BNC2: variants seen among roughly 807,000 people sequenced by gnomAD.
The protein encoded by BNC2 is zinc finger protein basonuclin-2.
Under a neutral mutation model 76.3 loss-of-function variants are expected in BNC2, and 20 were observed. The ratio of observed to expected loss-of-function variants is 0.26; its 90% CI spans 0.18 to 0.38. BNC2 has a LOEUF of 0.38. Among genes scored for constraint, BNC2 ranks in the 10% least tolerant of loss-of-function variants. The pLI is 1.00. For synonymous variants in BNC2, 582 were observed against 514.8 expected, an observed-to-expected ratio of 1.13 and a Z score of -1.77; for missense variants, 1,382 against 1,399.8, an observed-to-expected ratio of 0.99 and a Z score of 0.20.
chr9:16,602,406 A>G (rs1181273312), intron 3 of BNC2, among the ~76,000 whole-genome samples: 3 of 152,334 alleles, frequency 2.0e-5, no homozygotes, highest in Middle Eastern at 3.4e-3. Flanking sequence ...CTTTCTAATG[A>G]CATGGTATTC....
chr9:16,598,140 A>C (rs1345899071), intron 3 of BNC2, among the ~76,000 whole-genome samples: 2 of 152,210 alleles, frequency 1.3e-5, no homozygotes, highest in Admixed American at 6.5e-5. Flanking sequence ...TTTATCTGTC[A>C]AATTTTTGGT....
intron 3 of BNC2, among the ~76,000 whole-genome samples, chr9:16,721,529 A>T (rs923133244): frequency 1.3e-5 from 2 of 152,144 alleles, no homozygotes; most frequent in African/African-American, 4.8e-5. Flanking sequence ...CAATCTTCTG[A>T]CCAAGGTCTG....
rs1490578950 is a variant in BNC2 at position 16,415,970 on chromosome 9, C to G, written c.*3019G>C. On this transcript the variant is annotated 3_prime_UTR_variant, in exon 7 of 7. Transcript: ENST00000380672. ...AGGTGAACACATTCATGTTTCCAAG[C>G]AAGGGAAACTCTACTTCTAGAATCT... 1 of 152,132 alleles carries G rather than the reference C, an allele frequency of 6.6e-6. No homozygotes were observed. The highest frequency in any genetic ancestry group is 1.5e-5 in the Non-Finnish European group (1 of 68,028). The allele number at this position is 152,132 out of a possible 1,614,324, so 9.4% of individuals were successfully genotyped here.
intron 5 of BNC2, among the ~76,000 whole-genome samples, chr9:16,458,646 C>T (rs1821507101): frequency 6.6e-6 from 1 of 152,188 alleles, no homozygotes; most frequent in African/African-American, 2.4e-5. Context: ...TTTCCTACAG[C>T]CCTATGGCAA....
chr9:16,854,030 G>C (rs1164993041), intron 1 of BNC2, among the ~76,000 whole-genome samples: 1 of 152,138 alleles, frequency 6.6e-6, no homozygotes, highest in South Asian at 2.1e-4. Context: ...AGTCAGACTG[G>C]AGCCTAAGGA....
chr9:16,852,645 G>A (rs57226333), intron 1 of BNC2, among the ~76,000 whole-genome samples: 3,720 of 152,154 alleles, frequency 0.024, 163 homozygotes, highest in African/African-American at 0.086. Flanking sequence ...ACTTTCAAGC[G>A]GCAGTGTGCT....
intron 1 of BNC2, among the ~76,000 whole-genome samples, chr9:16,856,079 C>A (rs562085344): frequency 6.6e-6 from 1 of 152,120 alleles, no homozygotes; most frequent in East Asian, 1.9e-4. Context: ...ATGTTAAAAA[C>A]CACAAAAAAC....
intron 5 of BNC2, among the ~76,000 whole-genome samples, chr9:16,549,767 C>G (rs1818602161): frequency 6.6e-6 from 1 of 151,704 alleles, no homozygotes; most frequent in Non-Finnish European, 1.5e-5. Context: ...GCTTTTTTTT[C>G]CAAACCGAGA....
intron 1 of BNC2, among the ~76,000 whole-genome samples, chr9:16,861,641 T>G (rs939544275): frequency 6.6e-6 from 1 of 151,780 alleles, no homozygotes; most frequent in African/African-American, 2.4e-5. Flanking sequence ...GTCACTAGTA[T>G]GATTCAAATA....
At chr9:16,753,880 T>A (rs530706913) in intron 1 of BNC2, among the ~76,000 whole-genome samples, 4 of 152,342 alleles carry the variant, frequency 2.6e-5, no homozygotes, top group African/African-American at 9.6e-5. Context: ...ATCCATACTT[T>A]AGATATCACT....
At chr9:16,472,492 A>G (rs928293072) in intron 5 of BNC2, among the ~76,000 whole-genome samples, 6 of 152,108 alleles carry the variant, frequency 3.9e-5, no homozygotes, top group Non-Finnish European at 8.8e-5. Context: ...CAGGCTGTGC[A>G]CTCTTTTAGG....
chr9:16,483,527 T>C (rs1563804642), intron 5 of BNC2, among the ~76,000 whole-genome samples: 1 of 152,310 alleles, frequency 6.6e-6, no homozygotes, highest in Non-Finnish European at 1.5e-5. Context: ...TTACATGGTA[T>C]ACAGAGTGGT....
At chr9:16,541,139 C>T (rs1419996774) in intron 5 of BNC2, among the ~76,000 whole-genome samples, 2 of 152,148 alleles carry the variant, frequency 1.3e-5, no homozygotes, top group Non-Finnish European at 2.9e-5. Flanking sequence ...TAATCTCCAT[C>T]GATGTGTGGC....
At chr9:16,690,633 T>G (rs1320985860) in intron 3 of BNC2, among the ~76,000 whole-genome samples, 2 of 152,156 alleles carry the variant, frequency 1.3e-5, no homozygotes, top group African/African-American at 4.8e-5. Flanking sequence ...GGCAGAGTTG[T>G]ATCAATAGGA....
chr9:16,599,706 C>T (rs1045604168), intron 3 of BNC2, among the ~76,000 whole-genome samples: 2 of 152,172 alleles, frequency 1.3e-5, no homozygotes, highest in Non-Finnish European at 2.9e-5. Context: ...ATCACTTGAA[C>T]CCGGAGGCAG....
chr9:16,435,864 T>G lies in BNC2; in HGVS notation c.2330A>C (p.Glu777Ala), dbSNP rs763638464. The change falls in exon 6 of 7, where the codon GAA becomes GCA. Residue 777 changes from glutamate to alanine, a missense_variant. Glu to Ala is a moderately radical substitution (Grantham distance 107). This residue lies in a region of BNC2 where 798 missense variants were observed against 775.5 expected (regional missense o/e 1.03). Transcript: ENST00000380672. ...SHQDVIKVKEEFTDPTYDMFY... is the reference protein window; with the variant it reads ...SHQDVIKVKEAFTDPTYDMFY... ...CATGTCGTAAGTGGGGTCTGTAAATTCTTCCTTCACCTTGATGACGTCCTG... is the reference window on the plus strand; with the variant it reads ...CATGTCGTAAGTGGGGTCTGTAAATGCTTCCTTCACCTTGATGACGTCCTG... 1 of 1,613,764 alleles carries G rather than the reference T, an allele frequency of 6.2e-7. No individual in the cohort carries two copies. The highest frequency in any genetic ancestry group is 1.7e-5 in the Admixed American group (1 of 60,014).
At chr9:16,675,388 G>C (rs948500490) in intron 3 of BNC2, among the ~76,000 whole-genome samples, 3 of 151,930 alleles carry the variant, frequency 2.0e-5, no homozygotes, top group African/African-American at 7.3e-5. Context: ...AGAATAGCTG[G>C]GACTACAAGC....
At chr9:16,553,966 C>A (rs1221369796) in intron 4 of BNC2, among the ~76,000 whole-genome samples, 2 of 152,234 alleles carry the variant, frequency 1.3e-5, no homozygotes, top group African/African-American at 4.8e-5. Context: ...TATGCATATG[C>A]CCATTTAGGA....
At chr9:16,560,413 T>G (rs914414977) in intron 4 of BNC2, among the ~76,000 whole-genome samples, 2 of 152,170 alleles carry the variant, frequency 1.3e-5, no homozygotes, top group African/African-American at 4.8e-5. Flanking sequence ...GTATTAAACA[T>G]TTTATAAGAG....
Sources: allele counts gnomAD v4.1 joint callset (sites outside exome capture counted in the v4.1 genomes callset), GRCh38; gene constraint gnomAD v4.1.1; regional missense constraint gnomAD v4.1.1; transcripts MANE v1.5; gene names NCBI Gene and HGNC (gene_info 2026-07-23, HGNC 2026-07-21).